The following MTA3 variants were observed in gnomAD, a reference collection of about 807,000 sequenced individuals.
MTA3 encodes the protein metastasis-associated protein MTA3.
A neutral mutation model predicts 83.5 loss-of-function variants in MTA3; 34 were observed. The observed-to-expected ratio is 0.41, with a 90% confidence interval of 0.31 to 0.54. The LOEUF is 0.54. Ranked by LOEUF, MTA3 falls within the 20% of genes least tolerant of loss-of-function variation. The probability of loss-of-function intolerance (pLI) is 0.33; values close to 1 mark genes in which losing one functional copy is unlikely to be tolerated. For synonymous variants in MTA3, 303 were observed against 252.7 expected (o/e 1.20, Z -1.89); for missense variants, 761 against 726.4 (o/e 1.05, Z -0.55).
chr2:42,616,085 A>C (rs1684846821), intron 4 of MTA3, among the ~76,000 whole-genome samples: 1 of 150,810 alleles, frequency 6.6e-6, no homozygotes, highest in African/African-American at 2.4e-5. Context: ...TTTGAGACAT[A>C]GTTTCACTCT....
Position 42,720,612 on chromosome 2 carries a change from G to A in MTA3, c.1612+1538G>A, listed in dbSNP as rs79013445. Among the ~76,000 whole-genome samples, 475 of 152,194 alleles carry A rather than the reference G, an allele frequency of 3.1e-3. 3 individuals carry two copies. The highest frequency in any genetic ancestry group is 0.011 in the African/African-American group (447 of 41,526). ...AGAGTGCGGTCTGTATTCCCTTGCA[G>A]AACTGTCTCCAGATGCCCCTTCCCA... is the stretch of plus-strand genomic sequence containing the variant. On this transcript the variant is annotated intron_variant, in intron 15 of 16. Transcript: ENST00000405094.
intron 2 of MTA3, among the ~76,000 whole-genome samples, chr2:42,535,813 C>T (rs1432524015): frequency 2.6e-5 from 4 of 151,966 alleles, no homozygotes; most frequent in Non-Finnish European, 4.4e-5. Flanking sequence ...CCAGCATGAG[C>T]TTGGAGATAA....
chr2:42,638,903 T>A (rs906163975), intron 4 of MTA3, among the ~76,000 whole-genome samples: 5 of 140,852 alleles, frequency 3.5e-5, no homozygotes, highest in South Asian at 2.3e-4. Flanking sequence ...TTTTTTTTTT[T>A]AATTTAAAGA....
chr2:42,723,857 TG>T (rs1477136045), intron 16 of MTA3, among the ~76,000 whole-genome samples: 4 of 152,344 alleles, frequency 2.6e-5, no homozygotes, highest in Non-Finnish European at 5.9e-5. Context: ...AGCAAGGATG[TG>T]GAGTAGACCT....
chr2:42,577,342 G>A (rs1679170332), intron 2 of MTA3, among the ~76,000 whole-genome samples: 1 of 151,732 alleles, frequency 6.6e-6, no homozygotes, highest in African/African-American at 2.4e-5. Flanking sequence ...GCATGGTCAA[G>A]AAGAGACTAT....
At chr2:42,730,845 C>G (rs1668184424) in intron 16 of MTA3, among the ~76,000 whole-genome samples, 2 of 151,878 alleles carry the variant, frequency 1.3e-5, no homozygotes, top group Non-Finnish European at 2.9e-5. Flanking sequence ...GGCTTTTTTT[C>G]TTTGCTAGGA....
intron 8 of MTA3, among the ~76,000 whole-genome samples, chr2:42,674,892 G>C (rs546241903): frequency 6.6e-6 from 1 of 151,496 alleles, no homozygotes; most frequent in East Asian, 1.9e-4. Flanking sequence ...GAGCTACTGC[G>C]CCTGGCCTAG....
chr2:42,697,639 G>A (rs1324372890), intron 10 of MTA3, 137 bp from the exon 11 acceptor site: 4 of 600,912 alleles, frequency 6.7e-6, no homozygotes, highest in African/African-American at 5.8e-5. Context: ...TTAAGAATAT[G>A]CATATGAAAG....
chr2:42,667,627 G>GTGTGTGT (rs1558562542), intron 8 of MTA3, among the ~76,000 whole-genome samples: 2 of 23,020 alleles, frequency 8.7e-5, no homozygotes, highest in South Asian at 2.7e-3. Context: ...GAGAAAGAGA[G>GTGTGTGT]AGAGAGAGAG....
intron 3 of MTA3, among the ~76,000 whole-genome samples, chr2:42,598,882 A>T (rs183151585): frequency 6.6e-6 from 1 of 152,258 alleles, no homozygotes; most frequent in African/African-American, 2.4e-5. Context: ...CTTGACATAC[A>T]TGGGAAGTGG....
chr2:42,661,993 G>A (rs1328106306), intron 8 of MTA3, among the ~76,000 whole-genome samples: 1 of 151,996 alleles, frequency 6.6e-6, no homozygotes, highest in Non-Finnish European at 1.5e-5. Flanking sequence ...TGTTTTTATA[G>A]TTGTATTATT....
rs189452495 is a variant in MTA3 at position 42,549,208 on chromosome 2, T to G, written c.-140-21229T>G. The stretch of plus-strand genomic sequence containing the variant: ...ATATAATATATATATGTATATAATA[T>G]ATTATATTTGTATATATTATATATG... On this transcript the variant is annotated intron_variant, in intron 2 of 17. Transcript: ENST00000405592. Among the ~76,000 whole-genome samples, 774 of 136,708 alleles carry G rather than the reference T, an allele frequency of 5.7e-3. 13 individuals carry two copies. Among genetic ancestry groups the G allele is most frequent in the Non-Finnish European group, 4.9e-3 (320 of 65,616 alleles). 89.7% of individuals were successfully genotyped at this position (136,708 alleles called of 152,430 possible). A position where few individuals can be genotyped will look rare whatever the true frequency, so the allele number is the denominator to read the frequency against.
intron 7 of MTA3, among the ~76,000 whole-genome samples, chr2:42,658,116 A>C (rs1689339553): frequency 6.7e-6 from 1 of 148,860 alleles, no homozygotes; most frequent in African/African-American, 2.5e-5. Context: ...TCTAAATGCA[A>C]ATTAAGACCA....
intron 2 of MTA3, among the ~76,000 whole-genome samples, chr2:42,539,066 T>G (rs3933910): frequency 0.35 from 52,879 of 151,760 alleles, 9,279 homozygotes; most frequent in South Asian, 0.41. Context: ...GAGCCACCGC[T>G]CCCGGCCTGA....
intron 16 of MTA3, among the ~76,000 whole-genome samples, chr2:42,750,626 C>T (rs914027220): frequency 4.6e-5 from 7 of 152,122 alleles, no homozygotes; most frequent in African/African-American, 1.7e-4. Context: ...CTATCTGTTC[C>T]CCAGAGGATA....
intron 2 of MTA3, among the ~76,000 whole-genome samples, chr2:42,546,614 T>G (rs1676769896): frequency 6.6e-6 from 1 of 152,186 alleles, no homozygotes; most frequent in Non-Finnish European, 1.5e-5. Flanking sequence ...GAGGCGTTTC[T>G]AGGTTGGTCA....
At chr2:42,541,480 A>G (rs754266055) in intron 2 of MTA3, among the ~76,000 whole-genome samples, 13 of 152,238 alleles carry the variant, frequency 8.5e-5, no homozygotes, top group East Asian at 1.9e-4. Context: ...TTCTCAATAC[A>G]TTCCATGAGA....
chr2:42,549,456 T>C (rs1322159067), intron 2 of MTA3, among the ~76,000 whole-genome samples: 1 of 7,904 alleles, frequency 1.3e-4, no homozygotes, highest in Non-Finnish European at 1.9e-4. Context: ...TATAATATAT[T>C]ATATATACAT....
chr2:42,558,757 A>T, intron 2 of MTA3, among the ~76,000 whole-genome samples: 1 of 146,488 alleles, frequency 6.8e-6, no homozygotes, highest in East Asian at 2.0e-4. Context: ...GTTTCACCAT[A>T]TTGCCCAGGC....
Sources: gnomAD v4.1 joint callset for allele counts (sites outside exome capture counted in the v4.1 genomes callset) on GRCh38, gnomAD v4.1.1 for gene constraint, MANE v1.5 for transcripts, NCBI Gene and HGNC (gene_info 2026-07-23, HGNC 2026-07-21) for gene names.